TENM4: variants seen among roughly 807,000 people sequenced by gnomAD.
TENM4 encodes teneurin transmembrane protein 4, also known as teneurin-4.
A neutral mutation model predicts 243.3 loss-of-function variants in TENM4; 82 were observed. The ratio of observed to expected loss-of-function variants is 0.34; its 90% CI spans 0.28 to 0.40. TENM4 has a LOEUF of 0.40. TENM4 is among the 10% of genes least tolerant of loss of function. The pLI, the probability that TENM4 is intolerant of heterozygous loss-of-function variation, is 1.00. For synonymous variants in TENM4, 1,412 were observed against 1,456.3 expected, an observed-to-expected ratio of 0.97 and a Z score of 0.69; for missense variants, 3,138 against 3,673.3, an observed-to-expected ratio of 0.85 and a Z score of 3.77.
intron 2 of TENM4, among the ~76,000 whole-genome samples, chr11:79,282,837 A>G (rs1265686871): frequency 6.6e-6 from 1 of 152,098 alleles, no homozygotes; most frequent in Non-Finnish European, 1.5e-5. Context: ...ACTGCAGGAA[A>G]AAGGCAGGAA....
intron 3 of TENM4, among the ~76,000 whole-genome samples, chr11:79,153,014 T>G (rs991363425): frequency 2.6e-5 from 4 of 152,198 alleles, no homozygotes; most frequent in Non-Finnish European, 5.9e-5. Flanking sequence ...TAGAATGGCT[T>G]TCCATCACTT....
At chr11:79,166,819 C>G (rs897525529) in intron 3 of TENM4, among the ~76,000 whole-genome samples, 3 of 152,124 alleles carry the variant, frequency 2.0e-5, no homozygotes, top group African/African-American at 4.8e-5. Context: ...AGGCAGAAAA[C>G]AGCTGACAGT....
chr11:78,986,883 C>T (rs938441980), intron 6 of TENM4, among the ~76,000 whole-genome samples: 31 of 152,186 alleles, frequency 2.0e-4, no homozygotes, highest in Non-Finnish European at 2.9e-4. Flanking sequence ...TGGTCATTGT[C>T]ATTTTCATCG....
At chr11:79,097,341 C>T (rs1861107877) in intron 4 of TENM4, 1 of 152,160 alleles carries the variant, frequency 6.6e-6, no homozygotes, top group Admixed American at 6.5e-5. Flanking sequence ...GGTTCTTTTT[C>T]ATCGCCAGAG....
intron 6 of TENM4, among the ~76,000 whole-genome samples, chr11:78,910,512 A>C (rs970426097): frequency 4.6e-5 from 7 of 152,232 alleles, no homozygotes; most frequent in African/African-American, 1.7e-4. Flanking sequence ...AGCAGTCGGA[A>C]TCTGATAGCC....
intron 5 of TENM4, among the ~76,000 whole-genome samples, chr11:79,067,119 T>C (rs949412151): frequency 6.6e-6 from 1 of 152,196 alleles, no homozygotes; most frequent in Non-Finnish European, 1.5e-5. Flanking sequence ...AGGGTTAATG[T>C]CCGCGGACCA....
chr11:79,059,835 C>A (rs1860041619), intron 6 of TENM4, among the ~76,000 whole-genome samples: 1 of 152,176 alleles, frequency 6.6e-6, no homozygotes, highest in South Asian at 2.1e-4. Context: ...ATGCCTTGCC[C>A]AAGATCTCAG....
intron 3 of TENM4, among the ~76,000 whole-genome samples, chr11:79,157,055 C>G (rs1382001977): frequency 2.0e-5 from 3 of 152,070 alleles, no homozygotes; most frequent in Non-Finnish European, 2.9e-5. Context: ...GAAGGAGGAC[C>G]TGAAGGGGAC....
At chr11:79,387,724 G>C (rs1858146778) in intron 1 of TENM4, among the ~76,000 whole-genome samples, 2 of 152,178 alleles carry the variant, frequency 1.3e-5, no homozygotes, top group Admixed American at 6.5e-5. Context: ...AAACAAACAG[G>C]CTGGGTGTGG....
At chr11:78,732,285 A>G (rs1436510050) in intron 21 of TENM4, 31 bp downstream of exon 21, 5 of 1,564,606 alleles carry the variant, frequency 3.2e-6, no homozygotes, top group Non-Finnish European at 4.3e-6. Context: ...AAATAAAAGC[A>G]TGGTGGAATG....
In TENM4 at chr11:79,123,524, G is replaced by C. The variant is rs374596921; in HGVS notation, c.-66+25186C>G. On this transcript the variant is annotated intron_variant, in intron 4 of 33. Transcript: ENST00000278550. ...CAAAAGTACACTTGGACGACACCCT[G>C]CTATATGCATCCTCTCTGTCTCCAG... is the stretch of plus-strand genomic sequence containing the variant. Among the ~76,000 whole-genome samples, 205 of 151,748 alleles carry C rather than the reference G, an allele frequency of 1.4e-3. 7 individuals carry two copies. The South Asian group carries it at 0.041, about 31-fold the overall frequency.
Position 78,805,281 on chromosome 11 carries a change from C to CACCCAACA in TENM4, c.2179+10_2179+11insTGTTGGGT. 68 of 1,488,252 alleles carry CACCCAACA rather than the reference C, an allele frequency of 4.6e-5. No homozygotes were observed. Among genetic ancestry groups the CACCCAACA allele is most frequent in the Non-Finnish European group, 5.2e-5 (57 of 1,097,596 alleles). 92.2% of individuals were successfully genotyped at this position (1,488,252 alleles called of 1,614,324 possible). Reference sequence around the variant, plus strand: ...TCCCTCTACCCATGCTTCTTCTCCCCCTGCATTTACCGATAGAACAGTCGT... The same window carrying CACCCAACA: ...TCCCTCTACCCATGCTTCTTCTCCCCACCCAACACTGCATTTACCGATAGAACAGTCGT... On this transcript the variant is annotated intron_variant, in intron 15 of 33. Transcript: ENST00000278550.
chr11:79,239,006 C>T (rs1382344509), intron 2 of TENM4, among the ~76,000 whole-genome samples: 2 of 150,848 alleles, frequency 1.3e-5, no homozygotes, highest in African/African-American at 2.4e-5. Context: ...GCCTCAGTAA[C>T]AGAGCAAGAC....
At chr11:79,050,939 C>G (rs932474606) in intron 6 of TENM4, among the ~76,000 whole-genome samples, 1 of 152,080 alleles carries the variant, frequency 6.6e-6, no homozygotes, top group Non-Finnish European at 1.5e-5. Flanking sequence ...GCAGTTAGAG[C>G]CAGGCTGACC....
intron 18 of TENM4, among the ~76,000 whole-genome samples, chr11:78,765,684 G>A (rs1193993148): frequency 6.6e-6 from 1 of 152,202 alleles, no homozygotes. Context: ...CTGAGCCACT[G>A]TGTGACTTTG....
In TENM4 at chr11:79,329,913, C is replaced by T. The variant is rs753568055; in HGVS notation, c.-320-32370G>A. On this transcript the variant is annotated intron_variant, in intron 1 of 33. Transcript: ENST00000278550. ...ATTTGTAAAATATCTCTCCAGCTGC[C>T]TGGTAAGGAATGGATCACAGAAGGG... Among the ~76,000 whole-genome samples the T allele has an allele frequency of 7.2e-4, 110 of 152,134 alleles. 1 individual carries two copies. Among genetic ancestry groups the T allele is most frequent in the Non-Finnish European group, 2.1e-4 (14 of 68,022 alleles).
rs958766755 is a variant in TENM4 at position 79,178,808 on chromosome 11, C to A, written c.-162-30002G>T. ...GCACACAGTAGGCAATAAGAAATAC[C>A]CGTCAGTGGGTGAGCCATCACCCCC... On this transcript the variant is annotated intron_variant, in intron 3 of 33. Transcript: ENST00000278550. 2.0e-5 allele frequency among the ~76,000 whole-genome samples: 3 copies of A among 152,176 alleles called. No individual in the cohort carries two copies. The East Asian group carries it at 5.8e-4, about 29-fold the overall frequency.
chr11:79,235,794 A>C (rs1864454353), intron 2 of TENM4, among the ~76,000 whole-genome samples: 1 of 150,994 alleles, frequency 6.6e-6, no homozygotes, highest in African/African-American at 2.4e-5. Context: ...CATAATGAAC[A>C]CTCCCTTCTC....
chr11:79,174,677 A>G (rs73506693), intron 3 of TENM4, among the ~76,000 whole-genome samples: 271 of 152,290 alleles, frequency 1.8e-3, no homozygotes, highest in African/African-American at 6.3e-3. Context: ...TAGGGTTTCT[A>G]TTCTCCAGAT....
Sources: gnomAD v4.1 joint callset for allele counts (sites outside exome capture counted in the v4.1 genomes callset) on GRCh38, gnomAD v4.1.1 for gene constraint, MANE v1.5 for transcripts, NCBI Gene and HGNC (gene_info 2026-07-23, HGNC 2026-07-21) for gene names.